The following ERICH6 variants were observed in gnomAD, a reference collection of about 807,000 sequenced individuals.
ERICH6 encodes glutamate-rich protein 6.
Under a neutral mutation model 71.0 loss-of-function variants are expected in ERICH6, and 71 were observed. That is an observed-to-expected ratio of 1.00 (90% CI 0.83 to 1.22). ERICH6 has a LOEUF of 1.22. ERICH6 is among the 50% of genes most tolerant of loss of function. The pLI is 0.00. For missense variants in ERICH6, 808 were observed against 797.2 expected, an observed-to-expected ratio of 1.01 and a Z score of -0.16; for synonymous variants, 262 against 278.4, an observed-to-expected ratio of 0.94 and a Z score of 0.59.
At chr3:150,684,187 C>T (rs944999175) in intron 6 of ERICH6, among the ~76,000 whole-genome samples, 1 of 151,960 alleles carries the variant, frequency 6.6e-6, no homozygotes, top group African/African-American at 2.4e-5. Flanking sequence ...AGGAGTTCAG[C>T]CCACCCTGGG....
chr3:150,682,134 A>G, intron 7 of ERICH6, 84 bp downstream of exon 7: 1 of 1,174,976 alleles, frequency 8.5e-7, no homozygotes, highest in South Asian at 1.3e-5. Context: ...TAAAAATGGC[A>G]ATGCAGGGGA....
intron 13 of ERICH6, among the ~76,000 whole-genome samples, chr3:150,661,460 A>C (rs971394259): frequency 7.2e-5 from 11 of 152,222 alleles, no homozygotes; most frequent in Non-Finnish European, 1.6e-4. Context: ...CACACAACTG[A>C]GAATCACCGA....
intron 3 of ERICH6, among the ~76,000 whole-genome samples, chr3:150,693,821 T>A (rs923055416): frequency 6.6e-6 from 1 of 152,220 alleles, no homozygotes; most frequent in Admixed American, 6.5e-5. Context: ...CAGTTTGGAC[T>A]GAATTCTAAT....
At chr3:150,669,519 T>G in intron 11 of ERICH6, 68 bp from the exon 12 acceptor site, 1 of 1,518,464 alleles carries the variant, frequency 6.6e-7, no homozygotes, top group Non-Finnish European at 9.0e-7. Context: ...AAATTCAATT[T>G]ATGAGAGAGC....
intron 13 of ERICH6, 66 bp from the exon 14 acceptor site, chr3:150,660,221 G>A (rs573025751): frequency 6.4e-7 from 1 of 1,553,022 alleles, no homozygotes; most frequent in East Asian, 2.3e-5. Context: ...GGTGGGAGGA[G>A]CTGAGTCATG....
At chr3:150,678,658 T>C (rs1423837746) in intron 9 of ERICH6, 104 bp from the exon 10 acceptor site, 1 of 869,398 alleles carries the variant, frequency 1.2e-6, no homozygotes, top group East Asian at 3.2e-5. Context: ...CACTGATTCA[T>C]AAGACATTTT....
At chr3:150,695,680 A>G (rs1022073011) in intron 3 of ERICH6, among the ~76,000 whole-genome samples, 7 of 151,890 alleles carry the variant, frequency 4.6e-5, no homozygotes, top group Non-Finnish European at 7.4e-5. Flanking sequence ...AAGAGAAAGA[A>G]AAAAAGACCC....
At chr3:150,682,385 G>A in intron 6 of ERICH6, 69 bp from the exon 7 acceptor site, 2 of 1,167,336 alleles carry the variant, frequency 1.7e-6, no homozygotes, top group Middle Eastern at 3.9e-4. Context: ...AGAGCAGCAG[G>A]AGCACGACCC....
At chr3:150,687,860 G>A (rs1712261345) in intron 3 of ERICH6, among the ~76,000 whole-genome samples, 1 of 149,722 alleles carries the variant, frequency 6.7e-6, no homozygotes, top group Admixed American at 6.6e-5. Flanking sequence ...GCTCATGCCT[G>A]TAATCCCAGA....
intron 10 of ERICH6, among the ~76,000 whole-genome samples, chr3:150,674,466 T>C (rs940024270): frequency 4.6e-5 from 7 of 152,200 alleles, no homozygotes; most frequent in Admixed American, 1.3e-4. Flanking sequence ...CCCAATACTA[T>C]ACTGCCTTAA....
intron 3 of ERICH6, among the ~76,000 whole-genome samples, chr3:150,692,755 C>G (rs1712502439): frequency 6.6e-6 from 1 of 152,080 alleles, no homozygotes; most frequent in South Asian, 2.1e-4. Context: ...GTGTCTTTGA[C>G]TATGGCTGCC....
At chr3:150,671,886 T>C (rs1711504404) in intron 11 of ERICH6, among the ~76,000 whole-genome samples, 1 of 152,170 alleles carries the variant, frequency 6.6e-6, no homozygotes, top group Non-Finnish European at 1.5e-5. Flanking sequence ...CACTGTGGCC[T>C]CTCAAAGGGC....
chr3:150,702,243 C>A (rs928706559), intron 1 of ERICH6, 65 bp from the exon 2 acceptor site: 5 of 949,320 alleles, frequency 5.3e-6, no homozygotes, highest in South Asian at 4.7e-5. Context: ...TCTACCCCCC[C>A]CAGGAACACA....
At chr3:150,683,201 T>C (rs1393347358) in intron 6 of ERICH6, among the ~76,000 whole-genome samples, 2 of 152,214 alleles carry the variant, frequency 1.3e-5, no homozygotes, top group Non-Finnish European at 2.9e-5. Context: ...CCCAGAGTAA[T>C]GTCCAACATA....
In ERICH6 at chr3:150,682,259, A is replaced by T. The variant is rs1479200927; in HGVS notation, c.841T>A (p.Phe281Ile). Residue 281 changes from phenylalanine (F) to isoleucine (I), a missense_variant, in exon 7 of 14, where the codon TTT (phenylalanine) becomes ATT (isoleucine). Around this residue, in one of 3 missense-constraint regions of ERICH6, gnomAD observed 736 missense variants for 712.2 expected, o/e 1.03. Transcript: ENST00000295910. ...CEFCGSDLRAFFSNVDVSSEP... is the reference protein window; with the variant it reads ...CEFCGSDLRAIFSNVDVSSEP... ...GAGGAAACATCCACATTAGAAAAAA[A>T]TGCTCTTAGATCGCTGCCACAAAAT... 1.2e-6 allele frequency: 2 copies of T among 1,613,850 alleles called. No homozygotes were observed. The highest frequency in any genetic ancestry group is 1.7e-5 in the Admixed American group (1 of 60,012).
chr3:150,684,753 T>C (rs543732032), intron 6 of ERICH6, among the ~76,000 whole-genome samples: 5 of 152,166 alleles, frequency 3.3e-5, no homozygotes, highest in African/African-American at 9.7e-5. Flanking sequence ...ATAGCAAATA[T>C]TCACCCATGT....
At position 150,680,348 on chromosome 3, in the gene ERICH6, G is replaced by C. The variant is rs1037701094; in HGVS notation, c.1111+120C>G. On this transcript the variant is annotated intron_variant, in intron 9 of 13. Coordinates refer to ENST00000295910, the MANE Select transcript of ERICH6 (RefSeq NM_152394.5). The stretch of plus-strand genomic sequence containing the variant: ...TTCCCAAAGTGTTGGGATTACAGGC[G>C]TGAGCCACTGCACCTGGCCAATACT... The C allele has an allele frequency of 2.9e-6, 3 of 1,020,112 alleles. No homozygotes were observed. The African/African-American group carries it at 4.8e-5, about 16-fold the overall frequency. The allele number at this position is 1,020,112 out of a possible 1,614,324, so 63.2% of individuals were successfully genotyped here.
At chr3:150,702,218 A>T (rs1351373078) in intron 1 of ERICH6, 40 bp from the exon 2 acceptor site, 9 of 1,363,430 alleles carry the variant, frequency 6.6e-6, no homozygotes, top group Non-Finnish European at 9.2e-6. Context: ...ATTCCCTCTA[A>T]ATCAAAAGGT....
Position 150,666,953 on chromosome 3 carries a change from C to G in ERICH6, c.1562G>C (p.Trp521Ser). The change falls in exon 13 of 14, where the codon TGG becomes TCG. Residue 521 changes from tryptophan to serine, a missense_variant. This residue lies in a region of ERICH6 where 736 missense variants were observed against 712.2 expected (regional missense o/e 1.03). Transcript: ENST00000295910. The stretch of plus-strand genomic sequence containing the variant: ...GGAAGTGATGGAATTTGACCAATTC[C>G]AAGCCCTTATTCTGTTGCCGGCTTG... The part of the protein sequence containing the change: ...SDQAGNRIRA[W>S]NWSNSITSSP... 6.2e-7 allele frequency: 1 copy of G among 1,614,078 alleles called. No individual in the cohort carries two copies. The highest frequency in any genetic ancestry group is 1.1e-5 in the South Asian group (1 of 91,074).
Sources: allele counts gnomAD v4.1 joint callset (sites outside exome capture counted in the v4.1 genomes callset), GRCh38; gene constraint gnomAD v4.1.1; regional missense constraint gnomAD v4.1.1; transcripts MANE v1.5; gene names NCBI Gene and HGNC (gene_info 2026-07-23, HGNC 2026-07-21).